VPS26A: variants seen among roughly 807,000 people sequenced by gnomAD.
The protein encoded by VPS26A is vacuolar protein sorting-associated protein 26A.
A neutral mutation model predicts 42.4 loss-of-function variants in VPS26A; 22 were observed. The observed-to-expected ratio is 0.52, with a 90% CI of 0.37 to 0.74. The LOEUF (loss-of-function observed/expected upper bound fraction) is 0.74. VPS26A is among the 30% of genes least tolerant of loss of function. The pLI is 0.00. For missense variants in VPS26A, 276 were observed against 379.2 expected, an observed-to-expected ratio of 0.73 and a Z score of 2.26; for synonymous variants, 110 against 123.5, an observed-to-expected ratio of 0.89 and a Z score of 0.73.
At chr10:69,139,277 T>A (rs1207190414) in intron 2 of VPS26A, among the ~76,000 whole-genome samples, 1 of 151,966 alleles carries the variant, frequency 6.6e-6, no homozygotes. Context: ...TTGGCTTACA[T>A]TTTTTTGAGT....
chr10:69,174,244 T>C lies in VPS26A; in HGVS notation c.*2975T>C, dbSNP rs1471139884. On this transcript the variant is annotated 3_prime_UTR_variant, in exon 9 of 9. Coordinates refer to ENST00000263559, the MANE Select transcript of VPS26A (RefSeq NM_004896.5). ...TAAGTCAGCGAGACCGCAAACCCAC[T>C]GGAAGGAACCAACTCTGGACACACC... 2.0e-5 allele frequency among the ~76,000 whole-genome samples: 3 copies of C among 152,002 alleles called. No individual in the cohort carries two copies. Among genetic ancestry groups the C allele is most frequent in the African/African-American group, 7.2e-5 (3 of 41,380 alleles).
chr10:69,160,072 C>CAA (rs1841518096), intron 5 of VPS26A, among the ~76,000 whole-genome samples: 1 of 151,514 alleles, frequency 6.6e-6, no homozygotes, highest in Admixed American at 6.6e-5. Context: ...ATGAAATTAT[C>CAA]AAATAGTTTA....
rs1234441751 is a variant in VPS26A at position 69,157,166 on chromosome 10, A to G, written c.386+3A>G. The G allele has an allele frequency of 6.2e-7, 1 of 1,610,000 alleles. No homozygotes were observed. The highest frequency in any genetic ancestry group is 8.5e-7 in the Non-Finnish European group (1 of 1,178,266). ...ATCGGTGCCAATGTCCGCTTGAGGT[A>G]TGAATGTGTATTATAAACTGTAAAC... On this transcript the variant is annotated splice_donor_region_variant and intron_variant, in intron 4 of 8. Transcript: ENST00000263559.
intron 2 of VPS26A, among the ~76,000 whole-genome samples, chr10:69,142,254 G>A (rs1288423593): frequency 7.0e-6 from 1 of 142,302 alleles, no homozygotes; most frequent in South Asian, 2.2e-4. Flanking sequence ...TCATGATTAC[G>A]GCTCACTGCA....
At chr10:69,124,637 G>A (rs1165244065) in intron 1 of VPS26A, among the ~76,000 whole-genome samples, 3 of 152,182 alleles carry the variant, frequency 2.0e-5, no homozygotes, top group Non-Finnish European at 4.4e-5. Context: ...TCTCCTCCCG[G>A]GCAGCCTCTC....
At chr10:69,170,691 G>C (rs1261623557) in intron 8 of VPS26A, among the ~76,000 whole-genome samples, 4 of 152,150 alleles carry the variant, frequency 2.6e-5, no homozygotes, top group Admixed American at 2.6e-4. Context: ...ATGAATACCT[G>C]TTTGGAGATT....
chr10:69,125,885 C>T (rs1336780597), intron 1 of VPS26A, among the ~76,000 whole-genome samples: 4 of 152,080 alleles, frequency 2.6e-5, no homozygotes, highest in Admixed American at 2.0e-4. Context: ...TTTTATGTAT[C>T]TACCATGTAT....
In VPS26A at chr10:69,132,969, A is replaced by G. The variant is rs1440186901; in HGVS notation, c.75A>G (p.Lys25=). 6 of 1,612,972 alleles carry G rather than the reference A, an allele frequency of 3.7e-6. No individual in the cohort carries two copies. Among genetic ancestry groups the G allele is most frequent in the South Asian group, 1.1e-5 (1 of 90,742 alleles). The change falls in exon 2 of 9, where the codon AAA becomes AAG. Residue 25 remains lysine, a synonymous_variant. Coordinates refer to ENST00000263559, the MANE Select transcript of VPS26A (RefSeq NM_004896.5). Reference sequence around the variant, plus strand: ...TTCTTAATGATGGGGAAACCAGGAAAATGGCAGAAATGAAAACTGAAGATG... The same window carrying G: ...TTCTTAATGATGGGGAAACCAGGAAGATGGCAGAAATGAAAACTGAAGATG... ...DIVLNDGETR[K]MAEMKTEDGK...
Position 69,124,300 on chromosome 10 carries a change from C to T in VPS26A, c.3+20C>T. The T allele has an allele frequency of 1.6e-6, 2 of 1,250,462 alleles. No homozygotes were observed. The highest frequency in any genetic ancestry group is 2.0e-6 in the Non-Finnish European group (2 of 991,146). The allele number at this position is 1,250,462 out of a possible 1,614,324, so 77.5% of individuals were successfully genotyped here. On this transcript the variant is annotated intron_variant, in intron 1 of 8. Transcript: ENST00000263559. ...ACAATGGTGAGTGCGCGGCGGCCAG[C>T]GCGCTCGCCTCCCGCCCTCGTCCCG... is the stretch of plus-strand genomic sequence containing the variant.
chr10:69,157,932 C>A, intron 4 of VPS26A, 115 bp from the exon 5 acceptor site: 2 of 882,184 alleles, frequency 2.3e-6, no homozygotes, highest in South Asian at 2.1e-5. Flanking sequence ...TAAGTTGATC[C>A]CAAAGGAGTT....
intron 2 of VPS26A, among the ~76,000 whole-genome samples, chr10:69,140,483 C>T (rs1242173510): frequency 1.3e-5 from 2 of 152,142 alleles, no homozygotes; most frequent in South Asian, 4.1e-4. Context: ...AGCGATCTTC[C>T]CATCTCTGCC....
intron 6 of VPS26A, among the ~76,000 whole-genome samples, chr10:69,163,484 A>G (rs1042585720): frequency 6.6e-6 from 1 of 152,216 alleles, no homozygotes; most frequent in Non-Finnish European, 1.5e-5. Flanking sequence ...TTGCATTGCT[A>G]TCAGCAGTGA....
At chr10:69,170,604 A>G (rs12256853) in intron 8 of VPS26A, among the ~76,000 whole-genome samples, 33,397 of 152,064 alleles carry the variant, frequency 0.22, 3,938 homozygotes, top group African/African-American at 0.25. Context: ...GAGTAACTCC[A>G]TTTGGCCGAT....
chr10:69,160,806 A>G (rs1263776208), intron 5 of VPS26A, among the ~76,000 whole-genome samples: 2 of 152,190 alleles, frequency 1.3e-5, no homozygotes, highest in Non-Finnish European at 2.9e-5. Context: ...GGAGGATGCT[A>G]AAAAGTCCTC....
chr10:69,152,205 T>G (rs1341489936), intron 2 of VPS26A, among the ~76,000 whole-genome samples: 1 of 152,098 alleles, frequency 6.6e-6, no homozygotes, highest in Non-Finnish European at 1.5e-5. Flanking sequence ...CAAGACCCTG[T>G]CTACAAAAAA....
chr10:69,144,126 C>G (rs889522913), intron 2 of VPS26A, among the ~76,000 whole-genome samples: 2 of 152,194 alleles, frequency 1.3e-5, no homozygotes, highest in Non-Finnish European at 2.9e-5. Context: ...TCTAGATTTT[C>G]AGAAAAATTG....
chr10:69,132,840 T>A, intron 1 of VPS26A, 58 bp from the exon 2 acceptor site: 1 of 1,488,462 alleles, frequency 6.7e-7, no homozygotes, highest in Non-Finnish European at 9.0e-7. Flanking sequence ...AAATTCAAAT[T>A]ATAAAATGTA....
At chr10:69,154,705 A>T (rs1841392039) in intron 2 of VPS26A, among the ~76,000 whole-genome samples, 1 of 152,088 alleles carries the variant, frequency 6.6e-6, no homozygotes, top group Non-Finnish European at 1.5e-5. Context: ...TCTACAAAAA[A>T]AATTTTTTTA....
chr10:69,152,345 T>C (rs1159717218), intron 2 of VPS26A, among the ~76,000 whole-genome samples: 1 of 152,250 alleles, frequency 6.6e-6, no homozygotes. Flanking sequence ...CATATACTTG[T>C]ATACAATTTA....
Sources: gnomAD v4.1 joint callset for allele counts (sites outside exome capture counted in the v4.1 genomes callset) on GRCh38, gnomAD v4.1.1 for gene constraint, MANE v1.5 for transcripts, NCBI Gene and HGNC (gene_info 2026-07-23, HGNC 2026-07-21) for gene names.